The following TMEM117 variants were observed in gnomAD, a reference collection of about 807,000 sequenced individuals.
The protein encoded by TMEM117 is transmembrane protein 117.
Under a neutral mutation model 52.4 loss-of-function variants are expected in TMEM117, and 27 were observed. The ratio of observed to expected loss-of-function variants is 0.51; its 90% CI spans 0.38 to 0.71. The LOEUF is 0.71. Ranked by LOEUF, TMEM117 falls within the 30% of genes least tolerant of loss-of-function variation. The pLI is 0.00. For missense variants in TMEM117, 556 were observed against 630.5 expected (o/e 0.88, Z 1.26); for synonymous variants, 215 against 206.3 (o/e 1.04, Z -0.36).
At chr12:44,039,854 A>G (rs1326117960) in intron 3 of TMEM117, among the ~76,000 whole-genome samples, 3 of 152,194 alleles carry the variant, frequency 2.0e-5, no homozygotes, top group Non-Finnish European at 4.4e-5. Flanking sequence ...CTTGATATAA[A>G]TGATAACAAA....
At chr12:44,063,317 A>G (rs1021227217) in intron 3 of TMEM117, among the ~76,000 whole-genome samples, 1 of 152,220 alleles carries the variant, frequency 6.6e-6, no homozygotes, top group African/African-American at 2.4e-5. Context: ...TATTCTCTGC[A>G]TAACCTTGAA....
At chr12:43,854,786 A>G (rs1943371643) in intron 2 of TMEM117, among the ~76,000 whole-genome samples, 1 of 151,984 alleles carries the variant, frequency 6.6e-6, no homozygotes, top group Non-Finnish European at 1.5e-5. Flanking sequence ...ACAGGTGTCC[A>G]CCACCACACC....
chr12:44,145,946 C>G (rs1007884405), intron 4 of TMEM117, among the ~76,000 whole-genome samples: 2 of 152,170 alleles, frequency 1.3e-5, no homozygotes, highest in African/African-American at 4.8e-5. Flanking sequence ...CAATTCTATC[C>G]AATTCTTCCC....
At chr12:44,337,659 A>G (rs190591178) in intron 6 of TMEM117, among the ~76,000 whole-genome samples, 2 of 152,142 alleles carry the variant, frequency 1.3e-5, no homozygotes, top group East Asian at 1.9e-4. Flanking sequence ...TAAACAAATG[A>G]TGTACCTTCT....
At chr12:44,209,575 A>T (rs934243838) in intron 4 of TMEM117, among the ~76,000 whole-genome samples, 1 of 152,116 alleles carries the variant, frequency 6.6e-6, no homozygotes, top group Middle Eastern at 3.2e-3. Flanking sequence ...TTATATTAAA[A>T]CCATGCATGA....
intron 4 of TMEM117, among the ~76,000 whole-genome samples, chr12:44,155,450 A>G (rs1948812882): frequency 1.3e-5 from 2 of 152,116 alleles, no homozygotes; most frequent in Admixed American, 6.6e-5. Context: ...CATGCTGTGT[A>G]TAATTTGTTC....
At chr12:44,228,299 G>C (rs559201409) in intron 5 of TMEM117, among the ~76,000 whole-genome samples, 8 of 152,108 alleles carry the variant, frequency 5.3e-5, no homozygotes, top group African/African-American at 1.9e-4. Flanking sequence ...ATGAAAAAAA[G>C]TAGATAGATT....
intron 2 of TMEM117, among the ~76,000 whole-genome samples, chr12:43,914,170 A>G (rs1944561484): frequency 6.6e-6 from 1 of 152,140 alleles, no homozygotes; most frequent in African/African-American, 2.4e-5. Flanking sequence ...GTCGGGGGAC[A>G]TGCAGCAGCT....
At chr12:44,184,327 A>C (rs1306699425) in intron 4 of TMEM117, among the ~76,000 whole-genome samples, 1 of 152,220 alleles carries the variant, frequency 6.6e-6, no homozygotes, top group Non-Finnish European at 1.5e-5. Flanking sequence ...ACTGGGTGAC[A>C]GAATGGGACT....
At chr12:43,881,637 A>G (rs1454380159) in intron 2 of TMEM117, among the ~76,000 whole-genome samples, 1 of 151,908 alleles carries the variant, frequency 6.6e-6, no homozygotes, top group African/African-American at 2.4e-5. Context: ...TAAATCTACA[A>G]AATTATCCAG....
chr12:43,807,327 A>C, the TMEM117 span, among the ~76,000 whole-genome samples: 1 of 152,202 alleles, frequency 6.6e-6, no homozygotes, highest in Non-Finnish European at 1.5e-5. Flanking sequence ...ACAGGCCTGC[A>C]ATTGTTTTTC....
intron 4 of TMEM117, among the ~76,000 whole-genome samples, chr12:44,145,714 G>C (rs1434739081): frequency 1.3e-5 from 2 of 152,142 alleles, no homozygotes; most frequent in African/African-American, 4.8e-5. Flanking sequence ...CAGGCCTGGG[G>C]TCCAGAGTGT....
At chr12:43,958,351 C>A (rs532554946) in intron 3 of TMEM117, among the ~76,000 whole-genome samples, 1 of 152,206 alleles carries the variant, frequency 6.6e-6, no homozygotes, top group Non-Finnish European at 1.5e-5. Flanking sequence ...TATGAAGAAG[C>A]TGATTTTTTT....
At position 43,981,936 on chromosome 12, in the gene TMEM117, C is replaced by G. The variant is rs201447477; in HGVS notation, c.410+37594C>G. 1.1e-4 allele frequency among the ~76,000 whole-genome samples: 16 copies of G among 152,082 alleles called. No homozygotes were observed. In the East Asian group the frequency reaches 2.9e-3, roughly 28 times the overall value. On this transcript the variant is annotated intron_variant, in intron 3 of 7. Coordinates refer to ENST00000266534, the MANE Select transcript of TMEM117 (RefSeq NM_032256.3). The stretch of plus-strand genomic sequence containing the variant: ...GATAGGAGGAGTAAGTTGTGGTGTT[C>G]TATTGCACAGTAGGGTCATGATGGT...
chr12:43,908,151 G>A (rs1351071881), intron 2 of TMEM117, among the ~76,000 whole-genome samples: 1 of 65,322 alleles, frequency 1.5e-5, no homozygotes, highest in African/African-American at 3.1e-5. Context: ...GGATCTCTCG[G>A]CAGAAACTCT....
chr12:44,132,517 C>T (rs1412944336), intron 3 of TMEM117, among the ~76,000 whole-genome samples: 1 of 152,048 alleles, frequency 6.6e-6, no homozygotes, highest in Non-Finnish European at 1.5e-5. Flanking sequence ...TTCAGAAATC[C>T]TGAGCTTCTC....
At chr12:44,228,831 T>C (rs573830494) in intron 5 of TMEM117, among the ~76,000 whole-genome samples, 2 of 152,212 alleles carry the variant, frequency 1.3e-5, no homozygotes, top group East Asian at 3.9e-4. Context: ...CAAGAAGTAG[T>C]GGGCAAGATG....
intron 4 of TMEM117, among the ~76,000 whole-genome samples, chr12:44,169,599 C>T (rs1237667901): frequency 6.6e-6 from 1 of 152,036 alleles, no homozygotes; most frequent in African/African-American, 2.4e-5. Context: ...ACATTAATCC[C>T]CATCAAATAT....
At chr12:44,052,744 G>A (rs1453787623) in intron 3 of TMEM117, among the ~76,000 whole-genome samples, 1 of 152,202 alleles carries the variant, frequency 6.6e-6, no homozygotes, top group Non-Finnish European at 1.5e-5. Context: ...CACACATTGT[G>A]TAATTGCTTT....
Sources: gnomAD v4.1 joint callset for allele counts (sites outside exome capture counted in the v4.1 genomes callset) on GRCh38, gnomAD v4.1.1 for gene constraint, MANE v1.5 for transcripts, NCBI Gene and HGNC (gene_info 2026-07-23, HGNC 2026-07-21) for gene names.